AP2A1: variants seen among roughly 807,000 people sequenced by gnomAD.
AP2A1 encodes the protein AP-2 complex subunit alpha-1.
Under a neutral mutation model 107.3 loss-of-function variants are expected in AP2A1, and 21 were observed. The observed-to-expected ratio is 0.20, with a 90% CI of 0.14 to 0.28. The LOEUF (loss-of-function observed/expected upper bound fraction) is 0.28, where lower values mean the gene tolerates loss of function less well. Ranked by LOEUF, AP2A1 falls within the 10% of genes least tolerant of loss-of-function variation. The pLI, the probability that AP2A1 is intolerant of heterozygous loss-of-function variation, is 1.00. For missense variants in AP2A1, 873 were observed against 1,307.7 expected, an observed-to-expected ratio of 0.67 and a Z score of 5.13; for synonymous variants, 602 against 564.8, an observed-to-expected ratio of 1.07 and a Z score of -0.93.
Position 49,805,514 on chromosome 19 carries a change from G to A in AP2A1, c.2406G>A (p.Gln802=). The A allele has an allele frequency of 6.4e-7, 1 of 1,566,892 alleles. No homozygotes were observed. The highest frequency in any genetic ancestry group is 8.6e-7 in the Non-Finnish European group (1 of 1,157,052). The change falls in exon 19 of 23, where the codon CAG becomes CAA. Residue 802 remains glutamine (Q), a synonymous_variant. Transcript: ENST00000354293. ...AQVDGGAQVQ[Q]VLNIECLRDF... is the part of the protein sequence containing the mutation. ...TGGACGGCGGCGCGCAGGTGCAGCA[G>A]GTGCTCAATATCGAGTGCCTGCGGG...
At position 49,795,731 on chromosome 19, in the gene AP2A1, G is replaced by A. The variant is rs202202689; in HGVS notation, c.807G>A (p.Pro269=). 2.9e-5 allele frequency: 45 copies of A among 1,552,648 alleles called. No homozygotes were observed. In the Middle Eastern group the frequency reaches 1.0e-3, roughly 34 times the overall value. Residue 269 remains proline (P), a synonymous_variant, in exon 7 of 23, where the codon CCG becomes CCA. Coordinates refer to ENST00000354293, the MANE Select transcript of AP2A1 (RefSeq NM_130787.3). ...TCCTGCGGCTGCTGCAGTGCTACCCGCCTCCAGGTAATGAACGCCGTGCAC... is the reference window on the plus strand; with the variant it reads ...TCCTGCGGCTGCTGCAGTGCTACCCACCTCCAGGTAATGAACGCCGTGCAC... ...VKLLRLLQCY[P]PPEDAAVKGR... is the part of the protein sequence containing the mutation.
At chr19:49,800,290 C>A in intron 11 of AP2A1, 140 bp downstream of exon 11, 1 of 1,041,802 alleles carries the variant, frequency 9.6e-7, no homozygotes, top group Non-Finnish European at 1.4e-6. Context: ...GGGGCCTCTG[C>A]CTCTCTGGGC....
chr19:49,803,713 C>A, intron 18 of AP2A1: 3 of 390,172 alleles, frequency 7.7e-6, no homozygotes, highest in South Asian at 4.3e-5. Context: ...AGGAGCCAGG[C>A]CTGCGGGTCC....
intron 1 of AP2A1, among the ~76,000 whole-genome samples, chr19:49,767,911 G>A (rs1016318261): frequency 2.0e-5 from 3 of 151,766 alleles, no homozygotes; most frequent in Non-Finnish European, 4.4e-5. Context: ...GGGAAAGGAG[G>A]GACCCAAGGA....
rs369890871 is a variant in AP2A1 at position 49,793,083 on chromosome 19, C to T, written c.696C>T (p.Arg232=). Residue 232 remains arginine, a synonymous_variant, in exon 6 of 23, where the codon CGC becomes CGT. Transcript: ENST00000354293. ...FKTCVSLAVS[R]LSRIVSSAST... ...CGTGCGTCTCTCTGGCTGTGTCGCG[C>T]CTGAGCCGGGTGGGTGTGGCCTAGA... 4.4e-5 allele frequency: 70 copies of T among 1,604,360 alleles called. No homozygotes were observed. The African/African-American group carries it at 8.1e-4, about 19-fold the overall frequency.
intron 9 of AP2A1, 35 bp downstream of exon 9, chr19:49,799,530 C>T: frequency 1.2e-6 from 2 of 1,605,168 alleles, no homozygotes; most frequent in African/African-American, 1.3e-5. Context: ...GGGCCTGCCA[C>T]CCCCCTCAGA....
rs1261147241 is a variant in AP2A1 at position 49,799,956 on chromosome 19, C to G, written c.1273-12C>G. ...CCTGCGGCACACTCTCTCTCACACG[C>G]CCCGGCGGCAGGTCCTGAAGGTGGC... is the stretch of plus-strand genomic sequence containing the variant. On this transcript the variant is annotated splice_polypyrimidine_tract_variant and intron_variant, in intron 10 of 22. Transcript: ENST00000354293. 2.5e-6 allele frequency: 4 copies of G among 1,611,810 alleles called. No individual in the cohort carries two copies. The highest frequency in any genetic ancestry group is 3.4e-6 in the Non-Finnish European group (4 of 1,178,284).
intron 15 of AP2A1, 98 bp downstream of exon 15, chr19:49,802,239 C>G: frequency 1.0e-6 from 1 of 985,872 alleles, no homozygotes. Context: ...TCCCCCGCCC[C>G]CGACTCGCTC....
At chr19:49,783,571 G>C (rs1280308491) in intron 4 of AP2A1, among the ~76,000 whole-genome samples, 2 of 152,194 alleles carry the variant, frequency 1.3e-5, no homozygotes, top group Non-Finnish European at 1.5e-5. Flanking sequence ...AAAGAGGAAA[G>C]ACAATATTAT....
chr19:49,783,103 G>A (rs1312502621), intron 4 of AP2A1, among the ~76,000 whole-genome samples: 1 of 152,188 alleles, frequency 6.6e-6, no homozygotes, highest in Non-Finnish European at 1.5e-5. Flanking sequence ...CTGATTGCTG[G>A]GGATGTTGTA....
At position 49,798,749 on chromosome 19, in the gene AP2A1, G is replaced by A. The variant is rs1222994966; in HGVS notation, c.815-53G>A. On this transcript the variant is annotated intron_variant, in intron 7 of 22. Coordinates refer to ENST00000354293, the MANE Select transcript of AP2A1 (RefSeq NM_130787.3). ...TGGGGCATGGCCACCACCCCAGCAG[G>A]TGTGCCAGGTGGGCAGGACACTCAG... 1.9e-5 allele frequency: 30 copies of A among 1,572,584 alleles called. 1 individual carries two copies. Among genetic ancestry groups the A allele is most frequent in the South Asian group, 1.8e-4 (15 of 85,240 alleles).
At chr19:49,799,261 C>G in intron 8 of AP2A1, 66 bp from the exon 9 acceptor site, 2 of 1,541,730 alleles carry the variant, frequency 1.3e-6, no homozygotes, top group Non-Finnish European at 1.8e-6. Context: ...TCAGCTGGGG[C>G]CCGAGTCCTC....
At chr19:49,782,319 G>A (rs2123693984) in intron 3 of AP2A1, among the ~76,000 whole-genome samples, 1 of 150,896 alleles carries the variant, frequency 6.6e-6, no homozygotes, top group Non-Finnish European at 1.5e-5. Context: ...AGACTCCTGG[G>A]TCTGAGGGTT....
rs1204898203 is a variant in AP2A1, at chr19:49,788,183, G to T, written c.474-3752G>T. Among the ~76,000 whole-genome samples, 4 of 151,904 alleles carry T rather than the reference G, an allele frequency of 2.6e-5. No homozygotes were observed. In the East Asian group the frequency reaches 5.8e-4, roughly 22 times the overall value. On this transcript the variant is annotated intron_variant, in intron 4 of 22. Transcript: ENST00000354293. The surrounding 1 kb of genome is among the most constrained non-coding windows in gnomAD (Gnocchi z 4.5). Reference sequence around the variant, plus strand: ...GCTAGTCTTGAACTCCTGAGCTCAAGTGATCCTCCGTGGCCTCAGCTTCCC... The same window carrying T: ...GCTAGTCTTGAACTCCTGAGCTCAATTGATCCTCCGTGGCCTCAGCTTCCC...
chr19:49,784,178 G>A lies in AP2A1; in HGVS notation c.473+1454G>A, dbSNP rs930197083. Among the ~76,000 whole-genome samples, 6 of 152,250 alleles carry A rather than the reference G, an allele frequency of 3.9e-5. No individual in the cohort carries two copies. The East Asian group carries it at 7.7e-4, about 19-fold the overall frequency. On this transcript the variant is annotated intron_variant, in intron 4 of 22. Coordinates refer to ENST00000354293, the MANE Select transcript of AP2A1 (RefSeq NM_130787.3). ...CGTGGTGCTCACGCCTGTAATCCCA[G>A]CACTTTGGGAGGCTGAGGCAGGCAG...
intron 1 of AP2A1, among the ~76,000 whole-genome samples, chr19:49,772,323 G>A (rs1481602990): frequency 3.3e-5 from 4 of 120,854 alleles, no homozygotes; most frequent in Non-Finnish European, 6.4e-5. Context: ...GCAGTGGCGC[G>A]ATCTCCGCTC....
At chr19:49,774,188 T>A (rs1183680081) in intron 1 of AP2A1, among the ~76,000 whole-genome samples, 1 of 152,136 alleles carries the variant, frequency 6.6e-6, no homozygotes, top group African/African-American at 2.4e-5. Flanking sequence ...CTGGTTATTG[T>A]GTGATGGCTT....
chr19:49,795,731 G>C lies in AP2A1; in HGVS notation c.807G>C (p.Pro269=), dbSNP rs202202689. Residue 269 remains proline, a synonymous_variant, in exon 7 of 23, where the codon CCG becomes CCC. Transcript: ENST00000354293. The stretch of plus-strand genomic sequence containing the variant: ...TCCTGCGGCTGCTGCAGTGCTACCC[G>C]CCTCCAGGTAATGAACGCCGTGCAC... ...VKLLRLLQCY[P]PPEDAAVKGR... 1.3e-6 allele frequency: 2 copies of C among 1,552,648 alleles called. No individual in the cohort carries two copies. Among genetic ancestry groups the C allele is most frequent in the Non-Finnish European group, 1.7e-6 (2 of 1,148,674 alleles).
chr19:49,789,135 G>A (rs1179228353), intron 4 of AP2A1, among the ~76,000 whole-genome samples: 5 of 152,162 alleles, frequency 3.3e-5, no homozygotes, highest in Admixed American at 6.5e-5. Flanking sequence ...CCTTTGACTC[G>A]TGCAGGTCTC....
Sources: gnomAD v4.1 joint callset for allele counts (sites outside exome capture counted in the v4.1 genomes callset) on GRCh38, gnomAD v4.1.1 for gene constraint, Gnocchi (gnomAD v3.1) non-coding constraint, MANE v1.5 for transcripts, NCBI Gene and HGNC (gene_info 2026-07-23, HGNC 2026-07-21) for gene names.